The following NEBL variants were observed in gnomAD, a reference collection of about 807,000 sequenced individuals.
NEBL encodes LIM and SH3 protein 2.
NEBL carries 122 observed loss-of-function variants against 140.2 expected under a neutral mutation model. The observed-to-expected ratio is 0.87, with a 90% CI of 0.75 to 1.01. The LOEUF (loss-of-function observed/expected upper bound fraction) is 1.01. NEBL is among the 50% of genes least tolerant of loss of function. The pLI is 0.00. For synonymous variants in NEBL, 436 were observed against 398.9 expected, an observed-to-expected ratio of 1.09 and a Z score of -1.11; for missense variants, 1,365 against 1,231.3, an observed-to-expected ratio of 1.11 and a Z score of -1.62.
At chr10:21,067,164 G>A (rs1055764878) in intron 2 of NEBL, among the ~76,000 whole-genome samples, 20 of 151,802 alleles carry the variant, frequency 1.3e-4, no homozygotes, top group South Asian at 8.3e-4. Context: ...GTAGAGATGG[G>A]GTTTCACCGT....
chr10:21,202,519 A>G (rs1207872337), intron 3 of NEBL, among the ~76,000 whole-genome samples: 11 of 134,114 alleles, frequency 8.2e-5, no homozygotes, highest in Non-Finnish European at 4.5e-5. Context: ...GCTGGAGTGC[A>G]GTGGCGTGAT....
chr10:21,077,048 C>G (rs997322960), intron 2 of NEBL, among the ~76,000 whole-genome samples: 1 of 152,050 alleles, frequency 6.6e-6, no homozygotes, highest in Non-Finnish European at 1.5e-5. Flanking sequence ...AAAATGGTAA[C>G]CTTTATGTTA....
chr10:20,902,947 C>T (rs1447248337), intron 4 of NEBL, among the ~76,000 whole-genome samples: 5 of 152,126 alleles, frequency 3.3e-5, no homozygotes, highest in Non-Finnish European at 7.4e-5. Flanking sequence ...TGAGTGTTCC[C>T]TTCAGGACTA....
intron 2 of NEBL, among the ~76,000 whole-genome samples, chr10:21,089,347 G>A (rs937053110): frequency 6.6e-6 from 1 of 152,142 alleles, no homozygotes; most frequent in African/African-American, 2.4e-5. Context: ...ATGAACATGA[G>A]CATCATCAGC....
chr10:20,855,622 T>C (rs1842994490), intron 9 of NEBL, among the ~76,000 whole-genome samples: 1 of 152,076 alleles, frequency 6.6e-6, no homozygotes, highest in African/African-American at 2.4e-5. Flanking sequence ...TACCTCCTAG[T>C]GGGAGATACA....
chr10:20,815,660 C>A lies in NEBL; in HGVS notation c.2206G>T (p.Glu736Ter), dbSNP rs780056247. ...ATTLSVTPEM[E>*]RVKKNQENIS... ...TTTTCTTGATTCTTCTTCACTCTTT[C>A]CATTTCAGGAGTTACACTTAAAGTG... Residue 736 changes from glutamate (E) to a stop codon, truncating the protein, a stop_gained, in exon 22 of 28, where the codon GAA becomes TAA. Transcript: ENST00000377122. LOFTEE classifies it high-confidence loss of function. The A allele has an allele frequency of 2.7e-5, 43 of 1,612,886 alleles. No individual in the cohort carries two copies. The highest frequency in any genetic ancestry group is 6.7e-5 in the Admixed American group (4 of 59,998).
chr10:20,817,575 A>G (rs749848825), intron 21 of NEBL, 25 bp downstream of exon 21: 81 of 1,567,478 alleles, frequency 5.2e-5, no homozygotes, highest in Non-Finnish European at 6.2e-5. Flanking sequence ...ATAGTGTAAG[A>G]AAAAAGTTAC....
intron 2 of NEBL, among the ~76,000 whole-genome samples, chr10:21,049,656 G>A (rs751496699): frequency 1.6e-4 from 25 of 152,018 alleles, no homozygotes; most frequent in Admixed American, 2.6e-4. Flanking sequence ...TAAACCAACC[G>A]CCCACCCTGA....
At chr10:20,939,192 A>T (rs1834691104) in intron 4 of NEBL, among the ~76,000 whole-genome samples, 1 of 152,028 alleles carries the variant, frequency 6.6e-6, no homozygotes, top group Non-Finnish European at 1.5e-5. Flanking sequence ...CAGAAAGGTC[A>T]GGTTACCCAC....
upstream of NEBL, among the ~76,000 whole-genome samples, chr10:21,179,147 G>A (rs977173579): frequency 1.3e-3 from 198 of 152,228 alleles, no homozygotes; most frequent in African/African-American, 4.4e-3. Flanking sequence ...GAAGGGAGGG[G>A]GAGAAACAAA....
At chr10:21,209,797 C>A (rs889643861) in intron 3 of NEBL, among the ~76,000 whole-genome samples, 1 of 151,888 alleles carries the variant, frequency 6.6e-6, no homozygotes, top group Admixed American at 6.6e-5. Flanking sequence ...TAATCAGTGC[C>A]TGGGTCCAGA....
At chr10:21,098,213 TTCTC>T (rs1317502189) in intron 2 of NEBL, among the ~76,000 whole-genome samples, 8 of 114,414 alleles carry the variant, frequency 7.0e-5, no homozygotes, top group Non-Finnish European at 1.8e-4. Context: ...TACACACACA[TTCTC>T]ACTCACACGT....
At chr10:20,965,375 T>C (rs1271347888) in intron 3 of NEBL, among the ~76,000 whole-genome samples, 2 of 151,798 alleles carry the variant, frequency 1.3e-5, no homozygotes, top group Non-Finnish European at 2.9e-5. Flanking sequence ...GTCAGGGAAG[T>C]CCCCAGTAAG....
In NEBL at chr10:21,008,412, G is replaced by T. The variant is rs189952314; in HGVS notation, c.249+11705C>A. Among the ~76,000 whole-genome samples, 506 of 152,134 alleles carry T rather than the reference G, an allele frequency of 3.3e-3. 3 individuals are homozygous for T. Among genetic ancestry groups the T allele is most frequent in the African/African-American group, 0.011 (470 of 41,502 alleles). On this transcript the variant is annotated intron_variant, in intron 3 of 6. Coordinates refer to the NEBL transcript ENST00000417816. ...TATCTTACTATTAGTTATTGTTGTG[G>T]TTTTTTATTTTTAAATTTTTTTCCA...
At chr10:20,936,364 G>C (rs1446159247) in intron 4 of NEBL, among the ~76,000 whole-genome samples, 2 of 152,202 alleles carry the variant, frequency 1.3e-5, no homozygotes, top group Non-Finnish European at 2.9e-5. Context: ...CTCAGGTCTA[G>C]TCTGTCTCTC....
At chr10:21,120,789 G>A (rs1314789644) in intron 2 of NEBL, among the ~76,000 whole-genome samples, 4 of 151,148 alleles carry the variant, frequency 2.6e-5, no homozygotes, top group African/African-American at 4.9e-5. Context: ...ACACGCCCAA[G>A]TGAGGTCTGA....
chr10:21,222,443 T>C (rs1030401125), intron 3 of NEBL, among the ~76,000 whole-genome samples: 3 of 152,232 alleles, frequency 2.0e-5, no homozygotes, highest in Admixed American at 1.3e-4. Context: ...ATCCACAGTT[T>C]ACTTGTTCTG....
intron 4 of NEBL, among the ~76,000 whole-genome samples, chr10:20,913,197 A>G (rs554118721): frequency 4.6e-5 from 7 of 152,298 alleles, no homozygotes; most frequent in Admixed American, 4.6e-4. Context: ...CTCAGCTTAG[A>G]GAAGGGAGTC....
At position 20,815,591 on chromosome 10, in the gene NEBL, T is replaced by C. The variant is rs202239159; in HGVS notation, c.2241+34A>G. On this transcript the variant is annotated intron_variant, in intron 22 of 27. Coordinates refer to ENST00000377122, the MANE Select transcript of NEBL (RefSeq NM_006393.3). The stretch of plus-strand genomic sequence containing the variant: ...CAAGTAAATAATAAAAGACACATCC[T>C]TTGTGATAGTCTAAAATGAAGAAAA... The C allele has an allele frequency of 5.4e-6, 8 of 1,472,726 alleles. No homozygotes were observed. In the East Asian group the frequency reaches 1.6e-4, roughly 29 times the overall value. 91.2% of individuals were successfully genotyped at this position (1,472,726 alleles called of 1,614,324 possible).
Sources: gnomAD v4.1 joint callset for allele counts (sites outside exome capture counted in the v4.1 genomes callset) on GRCh38, gnomAD v4.1.1 for gene constraint, MANE v1.5 for transcripts, NCBI Gene and HGNC (gene_info 2026-07-23, HGNC 2026-07-21) for gene names.